The following CNTNAP4 variants were observed in gnomAD, a reference collection of about 807,000 sequenced individuals.
CNTNAP4 encodes the protein contactin associated protein family member 4.
Under a neutral mutation model 148.4 loss-of-function variants are expected in CNTNAP4, and 98 were observed. The observed-to-expected ratio is 0.66, with a 90% CI of 0.56 to 0.78. The LOEUF is 0.78. Ranked by LOEUF, CNTNAP4 falls within the 30% of genes least tolerant of loss-of-function variation. The probability of loss-of-function intolerance (pLI) is 0.00; values close to 1 mark genes in which losing one functional copy is unlikely to be tolerated. For missense variants in CNTNAP4, 1,935 were observed against 1,565.6 expected, an observed-to-expected ratio of 1.24 and a Z score of -3.98; for synonymous variants, 730 against 565.1, an observed-to-expected ratio of 1.29 and a Z score of -4.14.
chr16:76,462,831 A>C (rs2081031330), intron 9 of CNTNAP4, among the ~76,000 whole-genome samples: 1 of 152,204 alleles, frequency 6.6e-6, no homozygotes, highest in Non-Finnish European at 1.5e-5. Context: ...AATCATGTTG[A>C]GGTGTTGCTT....
chr16:76,477,016 C>G (rs1038877929), intron 11 of CNTNAP4, among the ~76,000 whole-genome samples: 1 of 151,818 alleles, frequency 6.6e-6, no homozygotes, highest in African/African-American at 2.4e-5. Flanking sequence ...TTTCTATGTC[C>G]TAACTCGTTT....
At chr16:76,330,839 T>C (rs1276678550) in intron 2 of CNTNAP4, among the ~76,000 whole-genome samples, 2 of 152,174 alleles carry the variant, frequency 1.3e-5, no homozygotes, top group Non-Finnish European at 2.9e-5. Context: ...ATGTCATAAA[T>C]ATAAGGAATG....
intron 3 of CNTNAP4, among the ~76,000 whole-genome samples, chr16:76,417,997 C>G (rs1253996037): frequency 6.6e-6 from 1 of 151,780 alleles, no homozygotes; most frequent in Non-Finnish European, 1.5e-5. Context: ...AGTAATATAG[C>G]TACCTTTCGA....
chr16:76,336,869 G>C (rs1195139443), intron 2 of CNTNAP4, among the ~76,000 whole-genome samples: 4 of 152,102 alleles, frequency 2.6e-5, no homozygotes, highest in African/African-American at 9.7e-5. Context: ...AGAAATCTCT[G>C]TTAGGGCCAC....
At chr16:76,511,336 C>T (rs967680023) in intron 15 of CNTNAP4, among the ~76,000 whole-genome samples, 4 of 152,106 alleles carry the variant, frequency 2.6e-5, no homozygotes, top group Admixed American at 6.6e-5. Context: ...TTGTCTGCAT[C>T]GACTAGTACA....
chr16:76,428,333 G>T (rs1423725555), intron 4 of CNTNAP4, among the ~76,000 whole-genome samples: 2 of 151,940 alleles, frequency 1.3e-5, no homozygotes, highest in Middle Eastern at 3.2e-3. Context: ...AACAGTGTGA[G>T]GTTTGAAGAG....
intron 2 of CNTNAP4, among the ~76,000 whole-genome samples, chr16:76,329,214 T>G (rs1963290499): frequency 6.6e-6 from 1 of 152,212 alleles, no homozygotes; most frequent in South Asian, 2.1e-4. Flanking sequence ...GGACTGAATG[T>G]CACTTAACAG....
In CNTNAP4 at chr16:76,277,613, C is replaced by T. The variant is rs557622035; in HGVS notation, c.-50C>T. 4 of 1,285,202 alleles carry T rather than the reference C, an allele frequency of 3.1e-6. No individual in the cohort carries two copies. The highest frequency in any genetic ancestry group is 1.5e-5 in the African/African-American group (1 of 68,282). The allele number at this position is 1,285,202 out of a possible 1,614,324, so 79.6% of individuals were successfully genotyped here. A position where few individuals can be genotyped will look rare whatever the true frequency, so the allele number is the denominator to read the frequency against. ...AGAGCTACTGAGAAGAGGACTGGAGCGCTCTGAGAGCCTCTCAAGATCTTT... is the reference window on the plus strand; with the variant it reads ...AGAGCTACTGAGAAGAGGACTGGAGTGCTCTGAGAGCCTCTCAAGATCTTT... On this transcript the variant is annotated 5_prime_UTR_variant, in exon 1 of 24. Transcript: ENST00000611870.
At chr16:76,404,740 A>T (rs1237718021) in intron 3 of CNTNAP4, among the ~76,000 whole-genome samples, 1 of 152,168 alleles carries the variant, frequency 6.6e-6, no homozygotes, top group African/African-American at 2.4e-5. Flanking sequence ...TAATACAAAA[A>T]TTGTGAATGT....
At chr16:76,465,855 G>A (rs1039069352) in intron 9 of CNTNAP4, among the ~76,000 whole-genome samples, 7 of 152,324 alleles carry the variant, frequency 4.6e-5, no homozygotes, top group African/African-American at 1.4e-4. Context: ...ATGTTTCGGT[G>A]TGTCTGATAA....
intron 1 of CNTNAP4, among the ~76,000 whole-genome samples, chr16:76,308,832 A>G (rs1960777680): frequency 6.6e-6 from 1 of 151,896 alleles, no homozygotes; most frequent in South Asian, 2.1e-4. Flanking sequence ...TTTATTTTTA[A>G]TTTTATTTTA....
chr16:76,499,571 T>A (rs1038629993), intron 15 of CNTNAP4, among the ~76,000 whole-genome samples: 11 of 151,746 alleles, frequency 7.2e-5, no homozygotes, highest in Non-Finnish European at 1.0e-4. Context: ...TTATTTATTT[T>A]AGTATTTATT....
chr16:76,293,170 G>T (rs1004407074), intron 1 of CNTNAP4, among the ~76,000 whole-genome samples: 1 of 151,560 alleles, frequency 6.6e-6, no homozygotes, highest in Non-Finnish European at 1.5e-5. Context: ...CTGTTGCCAG[G>T]CTGGAGTGCA....
chr16:76,306,075 A>T (rs796584156), intron 1 of CNTNAP4, among the ~76,000 whole-genome samples: 4 of 152,216 alleles, frequency 2.6e-5, no homozygotes, highest in African/African-American at 7.2e-5. Flanking sequence ...GGGCACCTCG[A>T]TTGATTCCAC....
At chr16:76,493,076 T>TC (rs1449530879) in intron 13 of CNTNAP4, among the ~76,000 whole-genome samples, 1 of 152,114 alleles carries the variant, frequency 6.6e-6, no homozygotes, top group East Asian at 1.9e-4. Context: ...CAGAAGTTTT[T>TC]CTCAGATTGG....
In CNTNAP4 at chr16:76,436,774, A is replaced by G. The variant is rs917812601; in HGVS notation, c.538+9175A>G. ...CTAACTCTCTAAACAGTTCATGCCAAGGACTATCAGTGTTCTCCATACTAT... is the reference window on the plus strand; with the variant it reads ...CTAACTCTCTAAACAGTTCATGCCAGGGACTATCAGTGTTCTCCATACTAT... On this transcript the variant is annotated intron_variant, in intron 4 of 23. Coordinates refer to ENST00000611870, the MANE Select transcript of CNTNAP4 (RefSeq NM_033401.5). Among the ~76,000 whole-genome samples the G allele has an allele frequency of 8.5e-5, 13 of 152,228 alleles. No individual in the cohort carries two copies. In the South Asian group the frequency reaches 1.7e-3, roughly 19 times the overall value.
At chr16:76,401,048 A>C (rs1206536342) in intron 3 of CNTNAP4, among the ~76,000 whole-genome samples, 1 of 152,110 alleles carries the variant, frequency 6.6e-6, no homozygotes, top group African/African-American at 2.4e-5. Flanking sequence ...TATGAATCTT[A>C]AAATAGTTTT....
At chr16:76,305,184 C>T (rs1960353747) in intron 1 of CNTNAP4, among the ~76,000 whole-genome samples, 2 of 152,098 alleles carry the variant, frequency 1.3e-5, no homozygotes, top group Admixed American at 6.6e-5. Context: ...AATTGATTTT[C>T]ATGTATTTGA....
At chr16:76,395,271 T>A (rs566204058) in intron 3 of CNTNAP4, among the ~76,000 whole-genome samples, 2 of 54,204 alleles carry the variant, frequency 3.7e-5, no homozygotes, top group African/African-American at 1.0e-4. Context: ...CCAAAGATTC[T>A]TTTTTTTTTT....
Sources: gnomAD v4.1 joint callset for allele counts (sites outside exome capture counted in the v4.1 genomes callset) on GRCh38, gnomAD v4.1.1 for gene constraint, MANE v1.5 for transcripts, NCBI Gene and HGNC (gene_info 2026-07-23, HGNC 2026-07-21) for gene names.